SPATA21: variants seen among roughly 807,000 people sequenced by gnomAD.
SPATA21 encodes spermatogenesis associated 21.
SPATA21 carries 47 observed loss-of-function variants against 54.8 expected under a neutral mutation model. That is an observed-to-expected ratio of 0.86 (90% CI 0.68 to 1.09). The LOEUF (loss-of-function observed/expected upper bound fraction) is 1.09, where lower values mean the gene tolerates loss of function less well. SPATA21 is among the 50% of genes least tolerant of loss of function. The pLI, the probability that SPATA21 is intolerant of heterozygous loss-of-function variation, is 0.00. For missense variants in SPATA21, 599 were observed against 596.4 expected, an observed-to-expected ratio of 1.00 and a Z score of -0.05; for synonymous variants, 245 against 235.3, an observed-to-expected ratio of 1.04 and a Z score of -0.38.
intron 10 of SPATA21, among the ~76,000 whole-genome samples, chr1:16,403,483 C>CTTTTTTT (rs1229942098): frequency 6.8e-5 from 8 of 117,180 alleles, no homozygotes; most frequent in Admixed American, 8.9e-5. Flanking sequence ...TAGTTTTTTT[C>CTTTTTTT]TTTTTTTTCT....
intron 5 of SPATA21, chr1:16,410,700 T>G (rs1401002497): frequency 8.6e-6 from 2 of 231,382 alleles, no homozygotes; most frequent in Non-Finnish European, 1.8e-5. Flanking sequence ...CATGAGCCAC[T>G]GCGCCCGGCC....
chr1:16,426,254 C>CTTATTTATTTATTTATTTATTTAT (rs750947536), intron 3 of SPATA21, among the ~76,000 whole-genome samples: 72 of 151,618 alleles, frequency 4.7e-4, no homozygotes, highest in African/African-American at 1.7e-3. Flanking sequence ...CGTATGCATA[C>CTTATTTATTTATTTATTTATTTAT]TTATTTATTT....
In SPATA21 at chr1:16,409,749, G is replaced by A. The variant is rs756530585; in HGVS notation, c.439C>T (p.Pro147Ser). The A allele has an allele frequency of 1.9e-6, 3 of 1,609,316 alleles. No individual in the cohort carries two copies. The Admixed American group carries it at 5.1e-5, about 27-fold the overall frequency. ...SGPSWARLPA[P>S]GPEPAPMGAP... ...CCCATGGGGGCAGGTTCTGGCCCAG[G>A]AGCTGGCAGCCGGGCCCACGATGGG... Residue 147 changes from proline to serine, a missense_variant, in exon 6 of 13, where the codon CCT (proline) becomes TCT (serine). Physicochemically the swap from Pro to Ser is moderately conservative, Grantham distance 74. Coordinates refer to ENST00000335496, the MANE Select transcript of SPATA21 (RefSeq NM_198546.1). The surrounding 1 kb of genome is among the most constrained non-coding windows in gnomAD (Gnocchi z 4.1).
rs896021531 is a variant in SPATA21 at position 16,409,946 on chromosome 1, A to C, written c.242T>G (p.Phe81Cys). The C allele has an allele frequency of 6.2e-7, 1 of 1,613,628 alleles. No homozygotes were observed. The highest frequency in any genetic ancestry group is 1.3e-5 in the African/African-American group (1 of 74,896). Residue 81 changes from phenylalanine (F) to cysteine (C), a missense_variant, in exon 6 of 13, where the codon TTC (phenylalanine) becomes TGC (cysteine). Physicochemically the swap from Phe to Cys is radical, Grantham distance 205 (BLOSUM62 -2). Coordinates refer to ENST00000335496, the MANE Select transcript of SPATA21 (RefSeq NM_198546.1). The surrounding 1 kb of genome is among the most constrained non-coding windows in gnomAD (Gnocchi z 4.1). Reference sequence around the variant, plus strand: ...CAAGCACTTCATGAAGCCCTGCCGGAAGTTCCCGAGGCTCTGTGTCCCTGC... The same window carrying C: ...CAAGCACTTCATGAAGCCCTGCCGGCAGTTCCCGAGGCTCTGTGTCCCTGC... Reference protein sequence around the residue: ...VAAGTQSLGNFRQGFMKCLLE... With the variant: ...VAAGTQSLGNCRQGFMKCLLE...
At chr1:16,398,513 T>A (rs2085350353), downstream of SPATA21, 2 of 512,228 alleles carry the variant, frequency 3.9e-6, no homozygotes. Flanking sequence ...AGGTCAAGAC[T>A]GCACGCAGGG....
chr1:16,425,470 AC>A (rs2086294695), intron 3 of SPATA21: 3 of 1,517,774 alleles, frequency 2.0e-6, no homozygotes. Context: ...GGGCTCTTTC[AC>A]CTCCTCTGTG....
chr1:16,430,306 G>A (rs2086427876), intron 3 of SPATA21, among the ~76,000 whole-genome samples: 1 of 151,274 alleles, frequency 6.6e-6, no homozygotes, highest in African/African-American at 2.4e-5. Flanking sequence ...CACAAGCCAC[G>A]CCTATAGTTC....
At chr1:16,423,539 CTTTTT>C (rs966239575) in intron 3 of SPATA21, among the ~76,000 whole-genome samples, 2 of 111,662 alleles carry the variant, frequency 1.8e-5, no homozygotes, top group Non-Finnish European at 3.7e-5. Flanking sequence ...TCTCTCTCTC[CTTTTT>C]TTTTTTTTTT....
chr1:16,424,860 T>TC lies in SPATA21; in HGVS notation c.35-2890dup, dbSNP rs1198200756. On this transcript the variant is annotated intron_variant, in intron 3 of 12. Transcript: ENST00000335496. ...TATACAGAACCTGGCACCTCCTCCC[T>TC]CCCCCCTGCACCCATTGACATACCG... 4 of 196,252 alleles carry TC rather than the reference T, an allele frequency of 2.0e-5. No homozygotes were observed. The South Asian group carries it at 2.3e-4, about 11-fold the overall frequency. 12.2% of individuals were successfully genotyped at this position (196,252 alleles called of 1,614,324 possible). A position where few individuals can be genotyped will look rare whatever the true frequency, so the allele number is the denominator to read the frequency against.
Position 16,409,353 on chromosome 1 carries a change from C to G in SPATA21, c.588-150G>C. 3 of 915,798 alleles carry G rather than the reference C, an allele frequency of 3.3e-6. No individual in the cohort carries two copies. Among genetic ancestry groups the G allele is most frequent in the South Asian group, 3.2e-5 (2 of 61,610 alleles). 56.7% of individuals were successfully genotyped at this position (915,798 alleles called of 1,614,324 possible). Reference sequence around the variant, plus strand: ...TCAAGAATGGCAGGAAAAAGGAGATCCAGAGGAGAAGTGGGACAGAGGAGA... The same window carrying G: ...TCAAGAATGGCAGGAAAAAGGAGATGCAGAGGAGAAGTGGGACAGAGGAGA... On this transcript the variant is annotated intron_variant, in intron 6 of 12. Coordinates refer to ENST00000335496, the MANE Select transcript of SPATA21 (RefSeq NM_198546.1). The surrounding 1 kb of genome is among the most constrained non-coding windows in gnomAD (Gnocchi z 4.1).
Position 16,409,250 on chromosome 1 carries a change from C to T in SPATA21, c.588-47G>A, listed in dbSNP as rs775675313. 1 of 1,607,012 alleles carries T rather than the reference C, an allele frequency of 6.2e-7. No homozygotes were observed. On this transcript the variant is annotated intron_variant, in intron 6 of 12. Transcript: ENST00000335496. The surrounding 1 kb of genome is among the most constrained non-coding windows in gnomAD (Gnocchi z 4.1). The stretch of plus-strand genomic sequence containing the variant: ...CCCAGGGCAACATCCGGCCGCCCAC[C>T]CTGCTGATAGCTAGGGGAGGGGTTG...
At chr1:16,424,958 G>T in intron 3 of SPATA21, 1 of 290,170 alleles carries the variant, frequency 3.4e-6, no homozygotes, top group South Asian at 2.9e-5. Flanking sequence ...TGCTCTCATT[G>T]CCCTGGTTGG....
At chr1:16,403,483 C>CTTTTCTT (rs2085517568) in intron 10 of SPATA21, among the ~76,000 whole-genome samples, 40 of 117,170 alleles carry the variant, frequency 3.4e-4, no homozygotes, top group Non-Finnish European at 4.7e-4. Context: ...TAGTTTTTTT[C>CTTTTCTT]TTTTTTTTCT....
At chr1:16,433,122 G>A (rs755159326) in intron 1 of SPATA21, among the ~76,000 whole-genome samples, 198 bp from the exon 2 acceptor site, 11 of 152,222 alleles carry the variant, frequency 7.2e-5, no homozygotes, top group Admixed American at 3.3e-4. Context: ...TTAATGACAC[G>A]TGCCCGTGCT....
At chr1:16,424,587 T>C (rs2086271409) in intron 3 of SPATA21, among the ~76,000 whole-genome samples, 1 of 151,512 alleles carries the variant, frequency 6.6e-6, no homozygotes, top group African/African-American at 2.4e-5. Flanking sequence ...CCAGCTAACT[T>C]TGGTATTTTT....
intron 5 of SPATA21, among the ~76,000 whole-genome samples, chr1:16,417,863 T>C (rs2086059108): frequency 2.6e-5 from 4 of 152,162 alleles, no homozygotes; most frequent in Non-Finnish European, 5.9e-5. Context: ...AGCCACTCAC[T>C]GCACCTGGCC....
chr1:16,413,458 G>A (rs4661747), intron 5 of SPATA21, among the ~76,000 whole-genome samples: 45,695 of 152,098 alleles, frequency 0.3, 7,105 homozygotes, highest in Non-Finnish European at 0.33. Flanking sequence ...TATCCGTTGT[G>A]AATAATACTG....
chr1:16,403,491 TC>T (rs57948110), intron 10 of SPATA21, among the ~76,000 whole-genome samples: 39,061 of 134,104 alleles, frequency 0.29, 6,999 homozygotes, highest in East Asian at 0.62. Flanking sequence ...TTCTTTTTTT[TC>T]TTTTTTTTTT....
intron 7 of SPATA21, among the ~76,000 whole-genome samples, chr1:16,408,224 A>C (rs960340674): frequency 1.3e-5 from 2 of 152,146 alleles, no homozygotes; most frequent in Non-Finnish European, 2.9e-5. Flanking sequence ...ATGTACATCC[A>C]TTCTTCTAGG....
Sources: allele counts gnomAD v4.1 joint callset (sites outside exome capture counted in the v4.1 genomes callset), GRCh38; gene constraint gnomAD v4.1.1; non-coding constraint Gnocchi (gnomAD v3.1); transcripts MANE v1.5; gene names NCBI Gene and HGNC (gene_info 2026-07-23, HGNC 2026-07-21).